The following MRPS15 variants were observed in gnomAD, a reference collection of about 807,000 sequenced individuals.
MRPS15 encodes small ribosomal subunit protein uS15m.
A neutral mutation model predicts 30.7 loss-of-function variants in MRPS15; 25 were observed. That is an observed-to-expected ratio of 0.81 (90% CI 0.59 to 1.14). The LOEUF is 1.14. Among genes scored for constraint, MRPS15 ranks in the 50% most tolerant of loss-of-function variants. The probability of loss-of-function intolerance (pLI) is 0.00; values close to 1 mark genes in which losing one functional copy is unlikely to be tolerated. For missense variants in MRPS15, 313 were observed against 321.7 expected, an observed-to-expected ratio of 0.97 and a Z score of 0.21; for synonymous variants, 124 against 120.1, an observed-to-expected ratio of 1.03 and a Z score of -0.21.
chr1:36,459,529 A>G (rs953656066), intron 5 of MRPS15: 3 of 152,112 alleles, frequency 2.0e-5, no homozygotes, highest in African/African-American at 7.2e-5. Context: ...GAAACAGGTG[A>G]GGAAAGATAA....
rs1326894351 is a variant in MRPS15 at position 36,458,806 on chromosome 1, C to G, written c.386-825G>C. ...CCCAGGATATCGTTCATTCAGGCATCCTCTTGTTTAATTTACCCCCTGTAC... is the reference window on the plus strand; with the variant it reads ...CCCAGGATATCGTTCATTCAGGCATGCTCTTGTTTAATTTACCCCCTGTAC... On this transcript the variant is annotated intron_variant, in intron 5 of 7. Coordinates refer to ENST00000373116, the MANE Select transcript of MRPS15 (RefSeq NM_031280.4). The surrounding 1 kb of genome is among the most constrained non-coding windows in gnomAD (Gnocchi z 4.5). 1 of 152,224 alleles carries G rather than the reference C, an allele frequency of 6.6e-6. No individual in the cohort carries two copies. Among genetic ancestry groups the G allele is most frequent in the Non-Finnish European group, 1.5e-5 (1 of 68,050 alleles). The allele number at this position is 152,224 out of a possible 1,614,324, so 9.4% of individuals were successfully genotyped here. A position where few individuals can be genotyped will look rare whatever the true frequency, so the allele number is the denominator to read the frequency against.
rs769042223 is a variant in MRPS15, at chr1:36,456,244, A to C, written c.579T>G (p.Pro193=). The C allele has an allele frequency of 1.4e-5, 22 of 1,613,780 alleles. No homozygotes were observed. Among genetic ancestry groups the C allele is most frequent in the Admixed American group, 1.7e-5 (1 of 59,920 alleles). The change falls in exon 7 of 8, where the codon CCT becomes CCG. Residue 193 remains proline (P), a synonymous_variant. Transcript: ENST00000373116. ...WGLGIEYTFP[P]LYYRRAHRRF... ...GGCGGTGGGCTCTTCGGTAATACAG[A>C]GGGGGGAAGGTGTACTCAATTCCCA...
chr1:36,455,861 T>C lies in MRPS15; in HGVS notation c.701A>G (p.Gln234Arg). 2 of 1,614,214 alleles carry C rather than the reference T, an allele frequency of 1.2e-6. No homozygotes were observed. Among genetic ancestry groups the C allele is most frequent in the South Asian group, 1.1e-5 (1 of 91,088 alleles). The change falls in exon 8 of 8, where the codon CAA (glutamine) becomes CGA (arginine). Residue 234 changes from glutamine (Q) to arginine (R), a missense_variant. By Grantham distance (43) the Gln-to-Arg change is conservative. Coordinates refer to ENST00000373116, the MANE Select transcript of MRPS15 (RefSeq NM_031280.4). ...RRALKAAAAA[Q>R]KQAKRRNPDS... ...TGGGTTCCTCCGCTTTGCTTGTTTT[T>C]GGGCTGCTGCTGCAGCCTTTAAGGC...
intron 4 of MRPS15, 106 bp from the exon 5 acceptor site, chr1:36,460,882 A>G: frequency 1.1e-6 from 1 of 904,176 alleles, no homozygotes; most frequent in Non-Finnish European, 1.8e-6. Flanking sequence ...CTAGGGCCAT[A>G]AGGCTCAGGG....
At position 36,458,376 on chromosome 1, in the gene MRPS15, C is replaced by A; in HGVS notation, c.386-395G>T. ...CCAGAGCAGCTGGGATTACAGGCGC[C>A]CGCCACCACACACGGCTAATTTTTC... is the stretch of plus-strand genomic sequence containing the variant. On this transcript the variant is annotated intron_variant, in intron 5 of 7. Transcript: ENST00000373116. The surrounding 1 kb of genome is among the most constrained non-coding windows in gnomAD (Gnocchi z 4.5). 2 of 163,790 alleles carry A rather than the reference C, an allele frequency of 1.2e-5. No individual in the cohort carries two copies. Among genetic ancestry groups the A allele is most frequent in the Non-Finnish European group, 2.7e-5 (2 of 74,824 alleles). 10.1% of individuals were successfully genotyped at this position (163,790 alleles called of 1,614,324 possible).
chr1:36,463,941 G>C (rs1343538374), intron 1 of MRPS15, 91 bp from the exon 2 acceptor site: 1 of 1,532,800 alleles, frequency 6.5e-7, no homozygotes, highest in Non-Finnish European at 8.8e-7. Flanking sequence ...CGTCCGCCAC[G>C]GTCTATGCGC....
rs1347590903 is a variant in MRPS15, at chr1:36,457,148, C to T, written c.445-770G>A. Among the ~76,000 whole-genome samples, 10 of 152,080 alleles carry T rather than the reference C, an allele frequency of 6.6e-5. No homozygotes were observed. In the South Asian group the frequency reaches 1.5e-3, roughly 22 times the overall value. On this transcript the variant is annotated intron_variant, in intron 6 of 7. Coordinates refer to ENST00000373116, the MANE Select transcript of MRPS15 (RefSeq NM_031280.4). ...AAAATTAGCTGGGTGTGGTGGCATG[C>T]GCCTGTAGTCCCAGCTACTCAGGAG...
At position 36,456,355 on chromosome 1, in the gene MRPS15, C is replaced by T. The variant is rs1024863358; in HGVS notation, c.468G>A (p.Leu156=). 1 of 1,611,340 alleles carries T rather than the reference C, an allele frequency of 6.2e-7. No individual in the cohort carries two copies. Among genetic ancestry groups the T allele is most frequent in the Non-Finnish European group, 8.5e-7 (1 of 1,178,054 alleles). The change falls in exon 7 of 8, where the codon CTG becomes CTA. Residue 156 remains leucine (L), a synonymous_variant. Coordinates refer to ENST00000373116, the MANE Select transcript of MRPS15 (RefSeq NM_031280.4). The part of the protein sequence containing the change: ...HRKDKAHKRY[L]LMSIDQRKKM... The stretch of plus-strand genomic sequence containing the variant: ...TTTTCCTCTGGTCAATGCTCATTAG[C>T]AGATAGCGTTTGTGGGCTTTGTCCT...
In MRPS15 at chr1:36,456,147, C is replaced by G. The variant is rs1162753459; in HGVS notation, c.636+40G>C. Reference sequence around the variant, plus strand: ...CCCTTCTGCTTCCTCCATCCCAGTCCCTGAGTGGGGCCAAGCAAAGCCGCA... The same window carrying G: ...CCCTTCTGCTTCCTCCATCCCAGTCGCTGAGTGGGGCCAAGCAAAGCCGCA... On this transcript the variant is annotated intron_variant, in intron 7 of 7. Transcript: ENST00000373116. 6.4e-6 allele frequency: 10 copies of G among 1,571,352 alleles called. No homozygotes were observed. The African/African-American group carries it at 6.8e-5, about 11-fold the overall frequency.
chr1:36,461,398 G>T, intron 3 of MRPS15, 86 bp from the exon 4 acceptor site: 2 of 1,299,546 alleles, frequency 1.5e-6, no homozygotes, highest in Non-Finnish European at 2.2e-6. Context: ...GAAAAGCAAA[G>T]ATGATTGAAA....
intron 2 of MRPS15, among the ~76,000 whole-genome samples, chr1:36,463,235 G>C (rs1650132884): frequency 6.6e-6 from 1 of 152,186 alleles, no homozygotes; most frequent in South Asian, 2.1e-4. Context: ...CCAAAGTGTT[G>C]GGATTACAGG....
rs199697231 is a variant in MRPS15, at chr1:36,459,949, AC to A, written c.385+742del. ...AGTTCTAGCCTGAACCAAAGTAGCA[AC>A]ATTATTCCCTTGGGAATGCACCATG... On this transcript the variant is annotated intron_variant, in intron 5 of 7. Transcript: ENST00000373116. 4.6e-5 allele frequency among the ~76,000 whole-genome samples: 7 copies of A among 152,366 alleles called. No homozygotes were observed. The East Asian group carries it at 1.2e-3, about 25-fold the overall frequency.
intron 4 of MRPS15, 146 bp downstream of exon 4, chr1:36,461,118 C>G (rs1650089994): frequency 2.5e-6 from 2 of 814,604 alleles, no homozygotes; most frequent in Non-Finnish European, 4.2e-6. Context: ...GATGCTCTGT[C>G]TAGGGATATT....
chr1:36,458,053 T>A lies in MRPS15; in HGVS notation c.386-72A>T. The A allele has an allele frequency of 7.6e-7, 1 of 1,320,404 alleles. No homozygotes were observed. The highest frequency in any genetic ancestry group is 1.1e-6 in the Non-Finnish European group (1 of 912,498). The allele number at this position is 1,320,404 out of a possible 1,614,324, so 81.8% of individuals were successfully genotyped here. On this transcript the variant is annotated intron_variant, in intron 5 of 7. Transcript: ENST00000373116. The surrounding 1 kb of genome is among the most constrained non-coding windows in gnomAD (Gnocchi z 4.5). The stretch of plus-strand genomic sequence containing the variant: ...AAGGGCCCAGGCCTGGTTTACGTTT[T>A]AAGAACTCAAGGAATAACAATCACC...
Position 36,456,322 on chromosome 1 carries a change from G to T in MRPS15, c.501C>A (p.Leu167=), listed in dbSNP as rs1315748070. 1 of 1,614,168 alleles carries T rather than the reference G, an allele frequency of 6.2e-7. No individual in the cohort carries two copies. Among genetic ancestry groups the T allele is most frequent in the Admixed American group, 1.7e-5 (1 of 60,022 alleles). The change falls in exon 7 of 8, where the codon CTC becomes CTA. Residue 167 remains leucine, a synonymous_variant. Coordinates refer to ENST00000373116, the MANE Select transcript of MRPS15 (RefSeq NM_031280.4). ...CATAGTTGGTGTTACGGAGGTTTTT[G>T]AGCATCTTTTTCCTCTGGTCAATGC... ...LMSIDQRKKM[L]KNLRNTNYDV...
rs60005613 is a variant in MRPS15, at chr1:36,457,275, C to CA, written c.444+647dup. Reference sequence around the variant, plus strand: ...TGGGTGACAGAGCAAGGCTCCATCTCAAAAAAAAAAAAAAAATATATATAT... The same window carrying CA: ...TGGGTGACAGAGCAAGGCTCCATCTCAAAAAAAAAAAAAAAAATATATATAT... On this transcript the variant is annotated intron_variant, in intron 6 of 7. Coordinates refer to ENST00000373116, the MANE Select transcript of MRPS15 (RefSeq NM_031280.4). 5.5e-3 allele frequency among the ~76,000 whole-genome samples: 784 copies of CA among 142,784 alleles called. 7 individuals are homozygous for CA. The highest frequency in any genetic ancestry group is 0.016 in the African/African-American group (595 of 38,012). 93.7% of individuals were successfully genotyped at this position (142,784 alleles called of 152,430 possible). A position where few individuals can be genotyped will look rare whatever the true frequency, so the allele number is the denominator to read the frequency against.
chr1:36,463,809 G>A lies in MRPS15; in HGVS notation c.172C>T (p.Pro58Ser). 6.2e-7 allele frequency: 1 copy of A among 1,612,582 alleles called. No individual in the cohort carries two copies. The highest frequency in any genetic ancestry group is 8.5e-7 in the Non-Finnish European group (1 of 1,179,120). ...QAARGYVVRKPAQSRLDDDPP... is the reference protein window; with the variant it reads ...QAARGYVVRKSAQSRLDDDPP... ...GTCCCACCTTAGGAACTCCTACCTG[G>A]TTTCCGGACGACATATCCGCGCGCG... Residue 58 changes from proline to serine, a missense_variant, in exon 2 of 8, where the codon CCA becomes TCA. Coordinates refer to ENST00000373116, the MANE Select transcript of MRPS15 (RefSeq NM_031280.4).
intron 2 of MRPS15, among the ~76,000 whole-genome samples, chr1:36,462,380 C>T (rs1650116292): frequency 6.6e-6 from 1 of 152,140 alleles, no homozygotes; most frequent in African/African-American, 2.4e-5. Context: ...TTCCCAAGAC[C>T]CTACACTGTG....
At chr1:36,461,428 G>C (rs1650096635) in intron 3 of MRPS15, 116 bp from the exon 4 acceptor site, 2 of 968,720 alleles carry the variant, frequency 2.1e-6, no homozygotes, top group East Asian at 2.6e-5. Context: ...TGTAGCAAAT[G>C]AATCTCCCTG....
Sources: allele counts gnomAD v4.1 joint callset (sites outside exome capture counted in the v4.1 genomes callset), GRCh38; gene constraint gnomAD v4.1.1; non-coding constraint Gnocchi (gnomAD v3.1); transcripts MANE v1.5; gene names NCBI Gene and HGNC (gene_info 2026-07-23, HGNC 2026-07-21).